Variants in PHLDB2 observed in about 807,000 individuals in gnomAD.
PHLDB2 encodes pleckstrin homology like domain family B member 2, also known as pleckstrin homology-like domain family B member 2.
Under a neutral mutation model 123.6 loss-of-function variants are expected in PHLDB2, and 71 were observed. The ratio of observed to expected loss-of-function variants is 0.57; its 90% confidence interval spans 0.47 to 0.70. The LOEUF is 0.70. Among genes scored for constraint, PHLDB2 ranks in the 30% least tolerant of loss-of-function variants. The pLI is 0.00. For synonymous variants in PHLDB2, 547 were observed against 541.6 expected (o/e 1.01, Z -0.14); for missense variants, 1,446 against 1,519.5 (o/e 0.95, Z 0.80).
intron 5 of PHLDB2, among the ~76,000 whole-genome samples, chr3:111,925,948 A>C (rs1173712820): frequency 6.6e-6 from 1 of 152,264 alleles, no homozygotes; most frequent in Admixed American, 6.5e-5. Context: ...AAAATTAAAT[A>C]AAATGGTTAA....
At chr3:111,779,492 C>T (rs1013652005) in intron 1 of PHLDB2, among the ~76,000 whole-genome samples, 19 of 152,140 alleles carry the variant, frequency 1.2e-4, no homozygotes, top group Non-Finnish European at 1.6e-4. Flanking sequence ...GGGAACATAA[C>T]TGTATTTAGT....
intron 1 of PHLDB2, among the ~76,000 whole-genome samples, chr3:111,828,163 G>A (rs2062757052): frequency 6.6e-6 from 1 of 152,180 alleles, no homozygotes; most frequent in South Asian, 2.1e-4. Context: ...TTTCCCAAAT[G>A]CTCCCATGGA....
rs867675052 is a variant in PHLDB2, at chr3:111,878,044, T to G, written c.-14-6020T>G. Among the ~76,000 whole-genome samples, 3 of 152,318 alleles carry G rather than the reference T, an allele frequency of 2.0e-5. No individual in the cohort carries two copies. The Middle Eastern group carries it at 0.01, about 518-fold the overall frequency. ...TGCTTTGGCTATGCAGGCTCTTTTTTGGTTCCATATGAAATTTAAAGTAGT... is the reference window on the plus strand; with the variant it reads ...TGCTTTGGCTATGCAGGCTCTTTTTGGGTTCCATATGAAATTTAAAGTAGT... On this transcript the variant is annotated intron_variant, in intron 1 of 17. Transcript: ENST00000431670.
At chr3:111,739,316 A>G (rs2059558932) in intron 1 of PHLDB2, among the ~76,000 whole-genome samples, 1 of 152,080 alleles carries the variant, frequency 6.6e-6, no homozygotes, top group South Asian at 2.1e-4. Flanking sequence ...AAGAAACCAC[A>G]TCTGAATTCT....
intron 13 of PHLDB2, among the ~76,000 whole-genome samples, chr3:111,963,085 G>A (rs986400417): frequency 2.0e-4 from 31 of 152,202 alleles, no homozygotes; most frequent in Admixed American, 1.3e-4. Context: ...AAGTGTTCAC[G>A]TTTGTATTTA....
At chr3:111,780,414 A>AAG (rs2060422355) in intron 1 of PHLDB2, among the ~76,000 whole-genome samples, 1 of 146,384 alleles carries the variant, frequency 6.8e-6, no homozygotes, top group Admixed American at 6.8e-5. Flanking sequence ...AAGAAGAAAA[A>AAG]GATTAGTTCG....
At chr3:111,904,276 T>TAAAAAAAAA (rs1368088646) in intron 2 of PHLDB2, among the ~76,000 whole-genome samples, 3 of 11,044 alleles carry the variant, frequency 2.7e-4, no homozygotes, top group Admixed American at 1.0e-3. Context: ...AGACCCTGTC[T>TAAAAAAAAA]CAAAAAAAAA....
At chr3:111,915,891 G>T (rs1429728841) in intron 3 of PHLDB2, 6 of 152,264 alleles carry the variant, frequency 3.9e-5, no homozygotes, top group Admixed American at 3.9e-4. Flanking sequence ...TGTTGTTCAG[G>T]CACAGTAAAT....
At chr3:111,941,809 A>AAAAACAAAAC (rs59034498) in intron 8 of PHLDB2, among the ~76,000 whole-genome samples, 56,042 of 150,552 alleles carry the variant, frequency 0.37, 11,322 homozygotes, top group Non-Finnish European at 0.45. Context: ...CCTGTCTCAA[A>AAAAACAAAAC]AAAACAAAAC....
chr3:111,875,244 G>A (rs993568138), intron 1 of PHLDB2, among the ~76,000 whole-genome samples: 1 of 152,008 alleles, frequency 6.6e-6, no homozygotes, highest in Non-Finnish European at 1.5e-5. Context: ...CGCCTCCCGG[G>A]TTCAGGTGAT....
chr3:111,863,913 C>G (rs1415490015), intron 1 of PHLDB2, among the ~76,000 whole-genome samples: 1 of 152,166 alleles, frequency 6.6e-6, no homozygotes, highest in Admixed American at 6.5e-5. Flanking sequence ...CTATGGTTAG[C>G]CATTAGGCTC....
At chr3:111,745,806 AAAG>A (rs2059671787) in intron 1 of PHLDB2, among the ~76,000 whole-genome samples, 1 of 151,302 alleles carries the variant, frequency 6.6e-6, no homozygotes, top group African/African-American at 2.4e-5. Context: ...AAAGAGAAAG[AAAG>A]AAGAAAGAAA....
chr3:111,957,170 G>C (rs1021151526), intron 12 of PHLDB2: 1 of 152,604 alleles, frequency 6.6e-6, no homozygotes, highest in African/African-American at 2.4e-5. Flanking sequence ...AACAACTTGT[G>C]AACTATTCCT....
intron 1 of PHLDB2, among the ~76,000 whole-genome samples, chr3:111,879,425 A>T (rs1415563617): frequency 6.6e-6 from 1 of 152,240 alleles, no homozygotes; most frequent in East Asian, 1.9e-4. Context: ...TATATTTACT[A>T]TTTATTAAGT....
intron 1 of PHLDB2, among the ~76,000 whole-genome samples, chr3:111,880,861 G>A (rs1254419841): frequency 6.6e-6 from 1 of 152,140 alleles, no homozygotes; most frequent in Non-Finnish European, 1.5e-5. Flanking sequence ...GCTGCCTCTT[G>A]GTTAGCAGAA....
At chr3:111,845,724 C>A in intron 1 of PHLDB2, 1 of 1,391,340 alleles carries the variant, frequency 7.2e-7, no homozygotes. Flanking sequence ...GGATGTTAAA[C>A]ATCTGAGTTC....
chr3:111,957,719 C>T (rs2071143474), intron 12 of PHLDB2, among the ~76,000 whole-genome samples: 1 of 152,150 alleles, frequency 6.6e-6, no homozygotes, highest in East Asian at 1.9e-4. Context: ...CTAAGAAAGA[C>T]TTAGTGGAGA....
intron 1 of PHLDB2, among the ~76,000 whole-genome samples, chr3:111,799,164 G>A (rs1377706795): frequency 2.0e-5 from 3 of 152,132 alleles, no homozygotes; most frequent in African/African-American, 4.8e-5. Flanking sequence ...CTTCCCACTG[G>A]GTCCCTCCCA....
At chr3:111,938,959 C>T (rs1264899570) in intron 6 of PHLDB2, among the ~76,000 whole-genome samples, 3 of 152,234 alleles carry the variant, frequency 2.0e-5, no homozygotes, top group Admixed American at 2.0e-4. Flanking sequence ...AGGTGCCCAC[C>T]ACCACGCCCA....
Sources: gnomAD v4.1 joint callset for allele counts (sites outside exome capture counted in the v4.1 genomes callset) on GRCh38, gnomAD v4.1.1 for gene constraint, MANE v1.5 for transcripts, NCBI Gene and HGNC (gene_info 2026-07-23, HGNC 2026-07-21) for gene names.